SLC49A4: variants seen among roughly 807,000 people sequenced by gnomAD.
The protein encoded by SLC49A4 is solute carrier family 49 member 4.
Under a neutral mutation model 50.6 loss-of-function variants are expected in SLC49A4, and 36 were observed. The observed-to-expected ratio is 0.71, with a 90% CI of 0.55 to 0.94. SLC49A4 has a LOEUF of 0.94. SLC49A4 is among the 40% of genes least tolerant of loss of function. The pLI is 0.00. For missense variants in SLC49A4, 503 were observed against 605.7 expected (o/e 0.83, Z 1.78); for synonymous variants, 248 against 241.2 (o/e 1.03, Z -0.26).
chr3:122,854,882 G>C (rs1353821550), intron 5 of SLC49A4, among the ~76,000 whole-genome samples: 2 of 152,060 alleles, frequency 1.3e-5, no homozygotes. Context: ...ACGAGGTCAG[G>C]AGATCAAGAC....
chr3:122,857,284 T>TAAAAAAAAAAAAAA (rs10694942), intron 6 of SLC49A4, among the ~76,000 whole-genome samples: 1 of 109,410 alleles, frequency 9.1e-6, no homozygotes, highest in Non-Finnish European at 1.8e-5. Context: ...CCATTCGTTC[T>TAAAAAAAAAAAAAA]AAAAAAAAAA....
At chr3:122,833,705 A>G (rs1936638054) in intron 4 of SLC49A4, among the ~76,000 whole-genome samples, 1 of 152,114 alleles carries the variant, frequency 6.6e-6, no homozygotes, top group African/African-American at 2.4e-5. Context: ...TTAAAAATCA[A>G]ATATTTTATT....
intron 1 of SLC49A4, among the ~76,000 whole-genome samples, 179 bp downstream of exon 1, chr3:122,795,714 T>C (rs775972986): frequency 2.6e-5 from 4 of 152,224 alleles, no homozygotes; most frequent in Admixed American, 1.3e-4. Context: ...GCGACAAATA[T>C]GGAAAGGCAA....
At chr3:122,828,432 G>A (rs901753622) in intron 3 of SLC49A4, among the ~76,000 whole-genome samples, 2 of 152,184 alleles carry the variant, frequency 1.3e-5, no homozygotes, top group African/African-American at 4.8e-5. Flanking sequence ...TAGGCAGGAA[G>A]ATTACACTGT....
chr3:122,879,488 C>G lies in SLC49A4; in HGVS notation c.*110C>G. On this transcript the variant is annotated 3_prime_UTR_variant, in exon 9 of 9. Transcript: ENST00000261038. ...GAAAAGAGGGAGAAGAAAGAAACTT[C>G]ATTCAGAGGTTTTGTTAGGTTACAG... is the stretch of plus-strand genomic sequence containing the variant. 1 of 779,228 alleles carries G rather than the reference C, an allele frequency of 1.3e-6. No homozygotes were observed. The highest frequency in any genetic ancestry group is 1.9e-5 in the South Asian group (1 of 53,672). 48.3% of individuals were successfully genotyped at this position (779,228 alleles called of 1,614,324 possible).
chr3:122,856,559 G>A (rs769256648), intron 6 of SLC49A4, among the ~76,000 whole-genome samples, 185 bp downstream of exon 6: 10 of 152,196 alleles, frequency 6.6e-5, no homozygotes, highest in Admixed American at 3.3e-4. Context: ...CTAACAGGCC[G>A]GGAATGGTGG....
At chr3:122,800,979 A>G (rs918362533) in intron 1 of SLC49A4, among the ~76,000 whole-genome samples, 6 of 152,236 alleles carry the variant, frequency 3.9e-5, no homozygotes, top group African/African-American at 9.6e-5. Context: ...ATTTGAAGTC[A>G]GACCAGTCAG....
intron 3 of SLC49A4, among the ~76,000 whole-genome samples, chr3:122,829,820 T>G (rs1936585353): frequency 6.6e-6 from 1 of 152,200 alleles, no homozygotes; most frequent in African/African-American, 2.4e-5. Context: ...CATTTTTCCA[T>G]GCCTTTTTAA....
chr3:122,822,562 T>A (rs1224663353), intron 2 of SLC49A4, among the ~76,000 whole-genome samples: 1 of 152,244 alleles, frequency 6.6e-6, no homozygotes, highest in South Asian at 2.1e-4. Context: ...TCTTCTTTGC[T>A]GAATCTGGTG....
At chr3:122,815,689 C>A (rs1407885751) in intron 2 of SLC49A4, among the ~76,000 whole-genome samples, 1 of 152,230 alleles carries the variant, frequency 6.6e-6, no homozygotes, top group Non-Finnish European at 1.5e-5. Flanking sequence ...AATCCAGAAT[C>A]TCTGGGCTCT....
At chr3:122,797,438 G>A (rs1364284822) in intron 1 of SLC49A4, among the ~76,000 whole-genome samples, 1 of 152,218 alleles carries the variant, frequency 6.6e-6, no homozygotes, top group East Asian at 1.9e-4. Context: ...TTCGACTTAT[G>A]TGTTGTTCTA....
intron 2 of SLC49A4, among the ~76,000 whole-genome samples, chr3:122,823,746 A>G (rs1936484838): frequency 6.6e-6 from 1 of 152,314 alleles, no homozygotes; most frequent in African/African-American, 2.4e-5. Context: ...TCTAATTTGC[A>G]TTCCTATTAA....
chr3:122,807,977 A>T (rs1330529728), intron 2 of SLC49A4, among the ~76,000 whole-genome samples: 1 of 152,102 alleles, frequency 6.6e-6, no homozygotes, highest in Non-Finnish European at 1.5e-5. Context: ...AGGGGTAGAG[A>T]TTGCTGGCAG....
chr3:122,839,466 C>T (rs183770067), intron 4 of SLC49A4, among the ~76,000 whole-genome samples: 26 of 151,836 alleles, frequency 1.7e-4, no homozygotes, highest in East Asian at 1.4e-3. Flanking sequence ...ACAGAATGGG[C>T]GAAAATATTT....
intron 2 of SLC49A4, among the ~76,000 whole-genome samples, chr3:122,826,194 C>T (rs1391472002): frequency 6.6e-6 from 1 of 152,190 alleles, no homozygotes. Context: ...TCCTCCGGTT[C>T]CTCAACTACC....
chr3:122,840,729 G>A (rs1032661195), intron 4 of SLC49A4, among the ~76,000 whole-genome samples: 3 of 152,012 alleles, frequency 2.0e-5, no homozygotes, highest in African/African-American at 7.2e-5. Context: ...AGAATTAAGT[G>A]GAATATTTCA....
At chr3:122,866,279 C>T (rs1251691825) in intron 7 of SLC49A4, among the ~76,000 whole-genome samples, 3 of 149,146 alleles carry the variant, frequency 2.0e-5, no homozygotes, top group Non-Finnish European at 4.4e-5. Context: ...TGAGCTTAAG[C>T]GATTCGCCCA....
intron 2 of SLC49A4, among the ~76,000 whole-genome samples, chr3:122,809,527 C>T (rs1936270848): frequency 6.6e-6 from 1 of 152,052 alleles, no homozygotes; most frequent in Admixed American, 6.6e-5. Context: ...TTGAGACCAG[C>T]CTGGGCAACA....
chr3:122,836,651 A>G (rs1936691981), intron 4 of SLC49A4, among the ~76,000 whole-genome samples: 1 of 152,208 alleles, frequency 6.6e-6, no homozygotes, highest in Non-Finnish European at 1.5e-5. Flanking sequence ...GAAAATGGGC[A>G]TGAGACAGGG....
Sources: allele counts gnomAD v4.1 joint callset (sites outside exome capture counted in the v4.1 genomes callset), GRCh38; gene constraint gnomAD v4.1.1; transcripts MANE v1.5; gene names NCBI Gene and HGNC (gene_info 2026-07-23, HGNC 2026-07-21).